The following JAKMIP2 variants were observed in gnomAD, a reference collection of about 807,000 sequenced individuals.
JAKMIP2 encodes janus kinase and microtubule-interacting protein 2.
Under a neutral mutation model 115.0 loss-of-function variants are expected in JAKMIP2, and 25 were observed. The ratio of observed to expected loss-of-function variants is 0.22; its 90% CI spans 0.16 to 0.30. The LOEUF is 0.30. Ranked by LOEUF, JAKMIP2 falls within the 10% of genes least tolerant of loss-of-function variation. The pLI, the probability that JAKMIP2 is intolerant of heterozygous loss-of-function variation, is 1.00. For missense variants in JAKMIP2, 642 were observed against 957.6 expected (o/e 0.67, Z 4.35); for synonymous variants, 334 against 343.6 (o/e 0.97, Z 0.31).
chr5:147,650,186 A>G, intron 4 of JAKMIP2, 152 bp downstream of exon 4: 1 of 618,028 alleles, frequency 1.6e-6, no homozygotes, highest in South Asian at 2.0e-5. Context: ...GAGTTTAGAA[A>G]ACCCTGTTCT....
intron 1 of JAKMIP2, among the ~76,000 whole-genome samples, chr5:147,708,909 T>C (rs1752678434): frequency 6.6e-6 from 1 of 152,206 alleles, no homozygotes; most frequent in Admixed American, 6.5e-5. Flanking sequence ...CATGGCAAGT[T>C]GGCCTTACTC....
chr5:147,766,928 T>C (rs1191671723), intron 1 of JAKMIP2, among the ~76,000 whole-genome samples: 1 of 152,104 alleles, frequency 6.6e-6, no homozygotes, highest in Non-Finnish European at 1.5e-5. Flanking sequence ...AAAGTGGCCG[T>C]AATATAAACT....
chr5:147,654,929 T>C (rs1417375158), intron 3 of JAKMIP2, among the ~76,000 whole-genome samples: 1 of 152,222 alleles, frequency 6.6e-6, no homozygotes, highest in Non-Finnish European at 1.5e-5. Context: ...TTGAATTTTA[T>C]TGAAGGCCTT....
At chr5:147,742,630 G>T (rs1264696675) in intron 1 of JAKMIP2, among the ~76,000 whole-genome samples, 2 of 152,136 alleles carry the variant, frequency 1.3e-5, no homozygotes, top group African/African-American at 4.8e-5. Context: ...AGAGATGGGG[G>T]TTAGTTTATG....
intron 19 of JAKMIP2, among the ~76,000 whole-genome samples, chr5:147,617,031 A>G (rs988521476): frequency 2.0e-5 from 3 of 152,170 alleles, no homozygotes; most frequent in African/African-American, 7.2e-5. Context: ...ATTGAATACT[A>G]TAACCTGACA....
At chr5:147,682,050 A>AAAG (rs1760311975) in intron 1 of JAKMIP2, among the ~76,000 whole-genome samples, 3 of 148,936 alleles carry the variant, frequency 2.0e-5, no homozygotes, top group Admixed American at 6.7e-5. Flanking sequence ...AAAAAAAAAA[A>AAAG]AAAGAAAGAA....
intron 15 of JAKMIP2, among the ~76,000 whole-genome samples, 157 bp from the exon 16 acceptor site, chr5:147,628,973 TAATC>T (rs1474737954): frequency 6.6e-6 from 1 of 152,212 alleles, no homozygotes; most frequent in Non-Finnish European, 1.5e-5. Context: ...AACAAAGAGT[TAATC>T]AAAACCCGGA....
intron 21 of JAKMIP2, among the ~76,000 whole-genome samples, chr5:147,594,804 G>C (rs1755282965): frequency 6.6e-6 from 1 of 152,104 alleles, no homozygotes; most frequent in Admixed American, 6.5e-5. Context: ...TTCAATAAAT[G>C]GTAGCTATTA....
intron 7 of JAKMIP2, 33 bp downstream of exon 7, chr5:147,644,025 C>A (rs760998742): frequency 1.4e-6 from 2 of 1,480,088 alleles, no homozygotes; most frequent in South Asian, 1.5e-5. Context: ...TCCTTGGGAA[C>A]AACTTAGGGT....
intron 1 of JAKMIP2, among the ~76,000 whole-genome samples, chr5:147,733,210 A>G (rs1561565945): frequency 6.6e-6 from 1 of 152,194 alleles, no homozygotes; most frequent in South Asian, 2.1e-4. Flanking sequence ...GTTACTCATG[A>G]TAATATAATT....
chr5:147,648,138 T>A (rs1758217567), intron 5 of JAKMIP2, among the ~76,000 whole-genome samples: 1 of 152,082 alleles, frequency 6.6e-6, no homozygotes, highest in Non-Finnish European at 1.5e-5. Flanking sequence ...GTGGTTAAGT[T>A]TAACAGGATG....
chr5:147,701,131 G>A (rs1330321595), intron 1 of JAKMIP2, among the ~76,000 whole-genome samples: 1 of 152,126 alleles, frequency 6.6e-6, no homozygotes, highest in African/African-American at 2.4e-5. Context: ...AGTCTCAAAG[G>A]AGAGAAACAA....
At chr5:147,759,917 G>T (rs1754874263) in intron 1 of JAKMIP2, among the ~76,000 whole-genome samples, 2 of 152,088 alleles carry the variant, frequency 1.3e-5, no homozygotes, top group South Asian at 4.1e-4. Flanking sequence ...GGCAGGGGAA[G>T]ATGGCAGCCC....
intron 20 of JAKMIP2, among the ~76,000 whole-genome samples, chr5:147,607,593 T>C (rs1453665201): frequency 1.3e-5 from 2 of 152,236 alleles, no homozygotes; most frequent in African/African-American, 4.8e-5. Context: ...TTATTGAGGA[T>C]TGTCACAACG....
At chr5:147,699,991 G>T (rs890513895) in intron 1 of JAKMIP2, among the ~76,000 whole-genome samples, 3 of 152,200 alleles carry the variant, frequency 2.0e-5, no homozygotes, top group African/African-American at 7.2e-5. Context: ...ATCTATGTTG[G>T]TTGAAAGCAT....
intron 1 of JAKMIP2, among the ~76,000 whole-genome samples, chr5:147,674,962 G>T (rs1561531026): frequency 6.6e-6 from 1 of 152,180 alleles, no homozygotes; most frequent in Non-Finnish European, 1.5e-5. Flanking sequence ...CAGATAAAAA[G>T]AAAGTGGCAA....
intron 1 of JAKMIP2, among the ~76,000 whole-genome samples, chr5:147,692,042 C>T (rs913156282): frequency 6.6e-6 from 1 of 152,096 alleles, no homozygotes; most frequent in Non-Finnish European, 1.5e-5. Context: ...GGTTGAGTCA[C>T]GTCCCTCAAA....
chr5:147,641,377 A>T (rs922234701), intron 8 of JAKMIP2, among the ~76,000 whole-genome samples: 1 of 152,240 alleles, frequency 6.6e-6, no homozygotes, highest in Non-Finnish European at 1.5e-5. Flanking sequence ...ATTAATTGTC[A>T]TAAGTGGGAG....
chr5:147,745,589 C>A (rs1042144684), intron 1 of JAKMIP2, among the ~76,000 whole-genome samples: 1 of 152,144 alleles, frequency 6.6e-6, no homozygotes, highest in Non-Finnish European at 1.5e-5. Flanking sequence ...GCCTTTTGTA[C>A]TCTCCTCTTT....
Sources: allele counts gnomAD v4.1 joint callset (sites outside exome capture counted in the v4.1 genomes callset), GRCh38; gene constraint gnomAD v4.1.1; transcripts MANE v1.5; gene names NCBI Gene and HGNC (gene_info 2026-07-23, HGNC 2026-07-21).